The following RAD51B variants were observed in gnomAD, a reference collection of about 807,000 sequenced individuals.
RAD51B encodes RAD51 paralog B.
In RAD51B, 38 loss-of-function variants were observed where a neutral mutation model predicts 42.2. That is an observed-to-expected ratio of 0.90 (90% CI 0.70 to 1.18). The LOEUF (loss-of-function observed/expected upper bound fraction) is 1.18, where lower values mean the gene tolerates loss of function less well. Ranked by LOEUF, RAD51B falls within the 50% of genes most tolerant of loss-of-function variation. The pLI is 0.00. For missense variants in RAD51B, 373 were observed against 400.7 expected, an observed-to-expected ratio of 0.93 and a Z score of 0.59; for synonymous variants, 154 against 145.2, an observed-to-expected ratio of 1.06 and a Z score of -0.43.
intron 7 of RAD51B, among the ~76,000 whole-genome samples, chr14:68,235,725 AAAAAAAAGAG>A (rs1488161315): frequency 5.4e-5 from 8 of 148,290 alleles, no homozygotes; most frequent in African/African-American, 1.8e-4. Context: ...AAAAAAAAAA[AAAAAAAAGAG>A]CTGAGATCTT....
chr14:68,079,582 T>C (rs1363443046), intron 7 of RAD51B, among the ~76,000 whole-genome samples: 1 of 152,210 alleles, frequency 6.6e-6, no homozygotes, highest in Non-Finnish European at 1.5e-5. Flanking sequence ...TATTTTAGAA[T>C]GTGAATGAGC....
At position 68,347,703 on chromosome 14, in the gene RAD51B, C is replaced by T. The variant is rs147196598; in HGVS notation, c.853+55723C>T. Among the ~76,000 whole-genome samples the T allele has an allele frequency of 2.9e-3, 439 of 152,206 alleles. 3 individuals carry two copies. Among genetic ancestry groups the T allele is most frequent in the African/African-American group, 0.01 (416 of 41,522 alleles). On this transcript the variant is annotated intron_variant, in intron 8 of 10. Transcript: ENST00000471583. ...ATAATAATAAATAAAGAAACAGGCC[C>T]GTGAACAGCATCAGCAGTTTCAGCT...
intron 7 of RAD51B, among the ~76,000 whole-genome samples, chr14:67,988,313 G>T (rs1281577659): frequency 6.6e-6 from 1 of 151,996 alleles, no homozygotes; most frequent in Non-Finnish European, 1.5e-5. Context: ...ACAAAAATTA[G>T]CCGGGTGTGG....
At chr14:67,952,367 G>A (rs534961179) in intron 7 of RAD51B, among the ~76,000 whole-genome samples, 18 of 152,236 alleles carry the variant, frequency 1.2e-4, no homozygotes, top group East Asian at 3.9e-4. Context: ...TAAATGAAGC[G>A]TTTCTGCAAT....
In RAD51B at chr14:68,102,134, A is replaced by G. The variant is rs181668784; in HGVS notation, c.757-189750A>G. ...ACAGGGCACCATGTCCCAAGGCTGC[A>G]TAGAGCAAGGAGGCCCTGGGCTTGG... is the stretch of plus-strand genomic sequence containing the variant. On this transcript the variant is annotated intron_variant, in intron 7 of 10. Coordinates refer to ENST00000471583, the MANE Select transcript of RAD51B (RefSeq NM_133510.4). 2.4e-3 allele frequency among the ~76,000 whole-genome samples: 363 copies of G among 152,322 alleles called. 2 individuals are homozygous for G. Among genetic ancestry groups the G allele is most frequent in the Non-Finnish European group, 2.7e-3 (181 of 68,026 alleles).
chr14:68,381,405 G>T (rs2083474819), intron 8 of RAD51B, among the ~76,000 whole-genome samples: 1 of 152,164 alleles, frequency 6.6e-6, no homozygotes, highest in Non-Finnish European at 1.5e-5. Context: ...GCCGGGCACG[G>T]TGGCTCACAC....
intron 7 of RAD51B, among the ~76,000 whole-genome samples, chr14:67,977,762 A>C (rs1239432307): frequency 6.6e-6 from 1 of 152,248 alleles, no homozygotes; most frequent in African/African-American, 2.4e-5. Flanking sequence ...GCCTAAAAAT[A>C]ACATTGTGGT....
At chr14:68,184,350 C>T (rs1205130340) in intron 7 of RAD51B, among the ~76,000 whole-genome samples, 1 of 152,138 alleles carries the variant, frequency 6.6e-6, no homozygotes, top group Non-Finnish European at 1.5e-5. Flanking sequence ...ATCCTTCCAT[C>T]TCAGCCTCCT....
At chr14:68,025,631 A>G (rs2075942860) in intron 7 of RAD51B, among the ~76,000 whole-genome samples, 1 of 151,846 alleles carries the variant, frequency 6.6e-6, no homozygotes, top group Non-Finnish European at 1.5e-5. Flanking sequence ...GAATTTATCC[A>G]CTTTCTCTAG....
intron 10 of RAD51B, among the ~76,000 whole-genome samples, chr14:68,474,474 T>C (rs984269493): frequency 3.9e-5 from 6 of 152,222 alleles, no homozygotes; most frequent in Admixed American, 1.3e-4. Context: ...AAGTTAACTA[T>C]ATAATAGTTC....
intron 7 of RAD51B, among the ~76,000 whole-genome samples, chr14:67,943,267 G>A (rs1272035033): frequency 1.3e-5 from 2 of 152,080 alleles, no homozygotes; most frequent in African/African-American, 2.4e-5. Context: ...TACAGGGCTT[G>A]TACTAATACA....
chr14:68,364,952 G>A (rs2083110137), intron 8 of RAD51B, among the ~76,000 whole-genome samples: 1 of 152,216 alleles, frequency 6.6e-6, no homozygotes, highest in Admixed American at 6.5e-5. Flanking sequence ...GAATTGGCAG[G>A]TGTTAGGGGC....
intron 7 of RAD51B, among the ~76,000 whole-genome samples, chr14:68,074,494 A>T (rs964853472): frequency 6.6e-6 from 1 of 152,172 alleles, no homozygotes; most frequent in African/African-American, 2.4e-5. Context: ...GATTAATTTC[A>T]TTGCCATCCA....
chr14:68,414,581 C>T (rs2084503001), intron 9 of RAD51B, among the ~76,000 whole-genome samples: 1 of 152,076 alleles, frequency 6.6e-6, no homozygotes, highest in Admixed American at 6.6e-5. Context: ...CAAACTAATA[C>T]TGAGGTACTG....
intron 7 of RAD51B, among the ~76,000 whole-genome samples, chr14:67,934,812 G>A (rs2044876765): frequency 6.6e-6 from 1 of 152,134 alleles, no homozygotes; most frequent in Non-Finnish European, 1.5e-5. Flanking sequence ...CTTATTGATG[G>A]GGGGGAATGT....
At chr14:68,661,346 T>C (rs1892928353) in intron 11 of RAD51B, among the ~76,000 whole-genome samples, 1 of 152,088 alleles carries the variant, frequency 6.6e-6, no homozygotes, top group East Asian at 1.9e-4. Flanking sequence ...GCAGGAACCA[T>C]GTCTGTTGCT....
intron 9 of RAD51B, 90 bp downstream of exon 9, chr14:68,411,617 A>C: frequency 8.1e-7 from 1 of 1,236,652 alleles, no homozygotes; most frequent in Non-Finnish European, 1.2e-6. Flanking sequence ...TGCTGGCCGC[A>C]TTGTCTGTCC....
chr14:68,390,322 A>G (rs2083709763), intron 8 of RAD51B, among the ~76,000 whole-genome samples: 1 of 152,244 alleles, frequency 6.6e-6, no homozygotes, highest in African/African-American at 2.4e-5. Context: ...CTAGATGTTC[A>G]TACTGTGAGC....
chr14:67,898,304 C>G (rs979827453), intron 7 of RAD51B, among the ~76,000 whole-genome samples: 1 of 152,118 alleles, frequency 6.6e-6, no homozygotes, highest in East Asian at 1.9e-4. Flanking sequence ...GAAGACATTA[C>G]GCTAAATGAG....
Sources: gnomAD v4.1 joint callset for allele counts (sites outside exome capture counted in the v4.1 genomes callset) on GRCh38, gnomAD v4.1.1 for gene constraint, MANE v1.5 for transcripts, NCBI Gene and HGNC (gene_info 2026-07-23, HGNC 2026-07-21) for gene names.